Variants in AKAP19 observed in about 807,000 individuals in gnomAD.
AKAP19 encodes small A-kinase anchoring protein.
chr2:189,932,552 T>A, the AKAP19 span, among the ~76,000 whole-genome samples: 1 of 151,482 alleles, frequency 6.6e-6, no homozygotes, highest in Non-Finnish European at 1.5e-5. Flanking sequence ...TCTCCTTTAT[T>A]TACTACTATT....
chr2:189,996,106 T>C, the AKAP19 span, among the ~76,000 whole-genome samples: 1 of 152,234 alleles, frequency 6.6e-6, no homozygotes, highest in East Asian at 1.9e-4. Flanking sequence ...ATTTCCGAGA[T>C]GTTCTTTGAG....
chr2:190,193,292 TC>T, the AKAP19 span, among the ~76,000 whole-genome samples: 2 of 152,298 alleles, frequency 1.3e-5, no homozygotes, highest in African/African-American at 4.8e-5. Flanking sequence ...CTGGTATAAA[TC>T]CACTCAGTCA....
At chr2:190,180,009 A>G in the AKAP19 span, among the ~76,000 whole-genome samples, 1 of 152,254 alleles carries the variant, frequency 6.6e-6, no homozygotes, top group South Asian at 2.1e-4. The surrounding 1 kb of genome is among the most constrained non-coding windows in gnomAD (Gnocchi z 6.8). Flanking sequence ...GTGGTATTCA[A>G]TGCTTTAAAG....
At chr2:189,899,151 T>C in the AKAP19 span, among the ~76,000 whole-genome samples, 5 of 152,172 alleles carry the variant, frequency 3.3e-5, no homozygotes, top group African/African-American at 1.2e-4. Context: ...AACTTCTATT[T>C]ATCTTACAAG....
At chr2:189,976,305 C>G in the AKAP19 span, among the ~76,000 whole-genome samples, 1 of 152,222 alleles carries the variant, frequency 6.6e-6, no homozygotes, top group Non-Finnish European at 1.5e-5. Context: ...TATTGCTGAA[C>G]AGCAAATGTT....
At chr2:190,106,368 G>T in the AKAP19 span, among the ~76,000 whole-genome samples, 1 of 152,134 alleles carries the variant, frequency 6.6e-6, no homozygotes, top group South Asian at 2.1e-4. Flanking sequence ...GAGTTGCTCT[G>T]CTTTCTACCT....
chr2:190,144,595 C>T, the AKAP19 span, among the ~76,000 whole-genome samples: 9 of 152,092 alleles, frequency 5.9e-5, no homozygotes, highest in Non-Finnish European at 1.3e-4. Flanking sequence ...TTTCTTTATG[C>T]AAATATAAAT....
chr2:190,008,672 T>C, the AKAP19 span, among the ~76,000 whole-genome samples: 2 of 151,766 alleles, frequency 1.3e-5, no homozygotes, highest in South Asian at 4.2e-4. Context: ...AGCACCTCCT[T>C]TGTGCTAGAT....
At chr2:189,939,551 C>A in the AKAP19 span, among the ~76,000 whole-genome samples, 4 of 152,078 alleles carry the variant, frequency 2.6e-5, no homozygotes, top group Admixed American at 6.6e-5. Flanking sequence ...CAACAGAGAA[C>A]CTCCTCTAAT....
the AKAP19 span, among the ~76,000 whole-genome samples, chr2:190,065,654 T>C: frequency 6.6e-6 from 1 of 152,148 alleles, no homozygotes; most frequent in African/African-American, 2.4e-5. Context: ...TATATATTGA[T>C]TGGGTGATGT....
At chr2:189,950,801 T>C in the AKAP19 span, among the ~76,000 whole-genome samples, 1 of 152,212 alleles carries the variant, frequency 6.6e-6, no homozygotes, top group Non-Finnish European at 1.5e-5. Context: ...CATCTTGTCC[T>C]GCCATTGAGA....
chr2:190,062,247 G>C, the AKAP19 span: 2 of 1,612,986 alleles, frequency 1.2e-6, no homozygotes, highest in Non-Finnish European at 1.7e-6. Context: ...GGTAATGATT[G>C]TTTCCGTTGT....
chr2:190,069,175 T>A, the AKAP19 span, among the ~76,000 whole-genome samples: 74,979 of 123,404 alleles, frequency 0.61, 23,739 homozygotes, highest in South Asian at 0.72. Flanking sequence ...TGTGTGTGTG[T>A]GAGAGAGAGA....
the AKAP19 span, among the ~76,000 whole-genome samples, chr2:190,173,274 C>A: frequency 6.6e-6 from 1 of 152,114 alleles, no homozygotes; most frequent in Non-Finnish European, 1.5e-5. Flanking sequence ...ATATCACAAA[C>A]CATAAAATAT....
At chr2:189,997,009 A>G in the AKAP19 span, among the ~76,000 whole-genome samples, 3 of 152,216 alleles carry the variant, frequency 2.0e-5, no homozygotes, top group Non-Finnish European at 4.4e-5. Context: ...AGAGGAGTGA[A>G]GTAGACGGCA....
chr2:190,085,473 T>C, the AKAP19 span, among the ~76,000 whole-genome samples: 2 of 152,176 alleles, frequency 1.3e-5, no homozygotes, highest in African/African-American at 4.8e-5. Context: ...TTAACAAATA[T>C]AGCGTTCACT....
At chr2:189,904,153 G>A in the AKAP19 span, among the ~76,000 whole-genome samples, 1 of 152,192 alleles carries the variant, frequency 6.6e-6, no homozygotes, top group South Asian at 2.1e-4. Flanking sequence ...ATGAGTAGTA[G>A]TATCTACATC....
chr2:189,928,174 T>C, the AKAP19 span, among the ~76,000 whole-genome samples: 1 of 152,188 alleles, frequency 6.6e-6, no homozygotes, highest in Admixed American at 6.5e-5. Context: ...GAGTTTGGTG[T>C]TTCCTTCAGA....
the AKAP19 span, among the ~76,000 whole-genome samples, chr2:189,948,365 G>GCT: frequency 2.6e-5 from 4 of 151,396 alleles, no homozygotes; most frequent in East Asian, 7.7e-4. Flanking sequence ...ACATATGCCT[G>GCT]TTTTTTTTGC....
Sources: gnomAD v4.1 joint callset for allele counts (sites outside exome capture counted in the v4.1 genomes callset) on GRCh38, gnomAD v4.1.1 for gene constraint, Gnocchi (gnomAD v3.1) non-coding constraint, MANE v1.5 for transcripts, NCBI Gene and HGNC (gene_info 2026-07-23, HGNC 2026-07-21) for gene names.